Variants in ARMH3 observed in about 807,000 individuals in gnomAD.
ARMH3 encodes armadillo-like helical domain-containing protein 3.
Under a neutral mutation model 99.1 loss-of-function variants are expected in ARMH3, and 60 were observed. That is an observed-to-expected ratio of 0.61 (90% CI 0.49 to 0.75). The LOEUF (loss-of-function observed/expected upper bound fraction) is 0.75, where lower values mean the gene tolerates loss of function less well. Ranked by LOEUF, ARMH3 falls within the 30% of genes least tolerant of loss-of-function variation. ARMH3 has a pLI of 0.00. For synonymous variants in ARMH3, 285 were observed against 292.8 expected (o/e 0.97, Z 0.27); for missense variants, 679 against 843.1 (o/e 0.81, Z 2.41).
At chr10:102,040,543 A>C (rs1226549960) in intron 1 of ARMH3, among the ~76,000 whole-genome samples, 1 of 152,212 alleles carries the variant, frequency 6.6e-6, no homozygotes, top group Non-Finnish European at 1.5e-5. Context: ...AGAACTGATA[A>C]ACAACCATGC....
At chr10:101,964,572 A>G (rs1452541494) in intron 20 of ARMH3, among the ~76,000 whole-genome samples, 2 of 152,256 alleles carry the variant, frequency 1.3e-5, no homozygotes, top group Non-Finnish European at 2.9e-5. Flanking sequence ...AATTCTGACA[A>G]CATAGATGAA....
chr10:101,881,354 C>T (rs753160993), intron 24 of ARMH3, among the ~76,000 whole-genome samples: 2 of 152,064 alleles, frequency 1.3e-5, no homozygotes, highest in Non-Finnish European at 1.5e-5. Flanking sequence ...AGAACACCAC[C>T]TTCAAGATAA....
intron 1 of ARMH3, among the ~76,000 whole-genome samples, chr10:102,041,394 A>G (rs1054571328): frequency 1.3e-5 from 2 of 152,040 alleles, no homozygotes; most frequent in African/African-American, 4.8e-5. Context: ...TATGTGAGAT[A>G]GGGAGAGGCC....
chr10:102,023,373 C>T, intron 8 of ARMH3, 104 bp downstream of exon 8: 4 of 996,096 alleles, frequency 4.0e-6, no homozygotes, highest in South Asian at 1.7e-5. Flanking sequence ...ATCAATATAC[C>T]ATTTACCAAG....
rs1010950130 is a variant in ARMH3, at chr10:102,035,456, C to G, written c.103-2117G>C. ...CCACAGTCTCCCTCTGATGCCGAGC[C>G]GAAGCTGGACTGTACTGCTGCCATC... On this transcript the variant is annotated intron_variant, in intron 2 of 25. Transcript: ENST00000370033. Among the ~76,000 whole-genome samples, 229 of 152,352 alleles carry G rather than the reference C, an allele frequency of 1.5e-3. 3 individuals carry two copies. The highest frequency in any genetic ancestry group is 4.3e-4 in the Non-Finnish European group (29 of 68,036).
chr10:101,914,110 C>T (rs1590012641), intron 23 of ARMH3, among the ~76,000 whole-genome samples: 1 of 152,284 alleles, frequency 6.6e-6, no homozygotes, highest in South Asian at 2.1e-4. Flanking sequence ...GATGAACCTT[C>T]ATTTCCCGGC....
At chr10:102,053,377 G>C (rs117883100) in intron 1 of ARMH3, among the ~76,000 whole-genome samples, 7,229 of 151,952 alleles carry the variant, frequency 0.048, 187 homozygotes, top group Non-Finnish European at 0.053. Context: ...CCAAGCCTTT[G>C]CAAGTACTGT....
chr10:101,868,509 T>C (rs1342010955), intron 24 of ARMH3, among the ~76,000 whole-genome samples: 1 of 152,112 alleles, frequency 6.6e-6, no homozygotes, highest in Non-Finnish European at 1.5e-5. Context: ...CTGCCTCCCC[T>C]TTCCACCTCC....
chr10:101,905,605 A>G (rs544421540), intron 23 of ARMH3, among the ~76,000 whole-genome samples: 2 of 152,170 alleles, frequency 1.3e-5, no homozygotes, highest in Non-Finnish European at 2.9e-5. Context: ...AGAGGTATGA[A>G]ATTTGAGACT....
chr10:101,919,148 A>AG (rs1843202561), intron 23 of ARMH3, among the ~76,000 whole-genome samples: 1 of 152,182 alleles, frequency 6.6e-6, no homozygotes, highest in African/African-American at 2.4e-5. Context: ...AAAAAGGGGG[A>AG]GGGGGCATAT....
At chr10:102,053,991 G>C (rs1311174646) in intron 1 of ARMH3, among the ~76,000 whole-genome samples, 1 of 152,062 alleles carries the variant, frequency 6.6e-6, no homozygotes. Context: ...ATCAATTTTT[G>C]GCCATTTTCC....
chr10:102,018,881 C>T (rs1410931402), intron 8 of ARMH3, among the ~76,000 whole-genome samples: 1 of 151,926 alleles, frequency 6.6e-6, no homozygotes, highest in African/African-American at 2.4e-5. Context: ...CATTAGAGCC[C>T]GGGAAACAGA....
intron 5 of ARMH3, chr10:102,029,424 A>C (rs1226288640): frequency 6.5e-7 from 1 of 1,529,632 alleles, no homozygotes; most frequent in East Asian, 2.5e-5. Flanking sequence ...TTTATCCCGC[A>C]GGGAAAGAAT....
At position 101,849,830 on chromosome 10, in the gene ARMH3, G is replaced by A. The variant is rs777584711; in HGVS notation, c.1923C>T (p.Asp641=). ...TLTLKLQDGL[D]QYERYSEQHK... is the part of the protein sequence containing the mutation. ...GCTGCTCTGAGTAGCGCTCATACTG[G>A]TCCAGGCCATCCTGCAGCTTCAGCG... The change falls in exon 25 of 26, where the codon GAC becomes GAT. Residue 641 remains aspartate, a synonymous_variant. Coordinates refer to ENST00000370033, the MANE Select transcript of ARMH3 (RefSeq NM_024541.3). 6.2e-6 allele frequency: 10 copies of A among 1,614,034 alleles called. No individual in the cohort carries two copies. Among genetic ancestry groups the A allele is most frequent in the Admixed American group, 3.3e-5 (2 of 59,998 alleles).
chr10:101,926,728 T>C (rs752760167), intron 23 of ARMH3, among the ~76,000 whole-genome samples: 19 of 152,228 alleles, frequency 1.2e-4, no homozygotes, highest in Non-Finnish European at 2.5e-4. Flanking sequence ...AATGGCTACA[T>C]TTCCTAGGAA....
chr10:101,981,654 C>T (rs1293930546), intron 19 of ARMH3, among the ~76,000 whole-genome samples: 2 of 152,130 alleles, frequency 1.3e-5, no homozygotes, highest in African/African-American at 4.8e-5. Flanking sequence ...TCTTCTCACT[C>T]CCTAAGTGGT....
At chr10:101,983,138 C>G (rs1341709429) in intron 19 of ARMH3, among the ~76,000 whole-genome samples, 1 of 152,136 alleles carries the variant, frequency 6.6e-6, no homozygotes, top group Non-Finnish European at 1.5e-5. Context: ...GCTGGCCTCC[C>G]CTAGGTAGCT....
chr10:101,935,493 T>G (rs940465795), intron 23 of ARMH3, among the ~76,000 whole-genome samples: 7 of 152,174 alleles, frequency 4.6e-5, no homozygotes, highest in Non-Finnish European at 8.8e-5. Flanking sequence ...CAATCTAAAC[T>G]AAGTATTCTT....
At chr10:101,957,836 A>C in intron 20 of ARMH3, 104 bp from the exon 21 acceptor site, 1 of 1,422,768 alleles carries the variant, frequency 7.0e-7, no homozygotes, top group Non-Finnish European at 9.3e-7. Context: ...GGTTAGAGTG[A>C]GTAAGTCTCA....
Sources: allele counts gnomAD v4.1 joint callset (sites outside exome capture counted in the v4.1 genomes callset), GRCh38; gene constraint gnomAD v4.1.1; transcripts MANE v1.5; gene names NCBI Gene and HGNC (gene_info 2026-07-23, HGNC 2026-07-21).